Variants in MITF observed in about 807,000 individuals in gnomAD.
MITF encodes melanocyte inducing transcription factor, also known as microphthalmia-associated transcription factor.
Under a neutral mutation model 60.5 loss-of-function variants are expected in MITF, and 17 were observed. The observed-to-expected ratio is 0.28, with a 90% CI of 0.19 to 0.42. The LOEUF is 0.42. Among genes scored for constraint, MITF ranks in the 10% least tolerant of loss-of-function variants. The pLI, the probability that MITF is intolerant of heterozygous loss-of-function variation, is 1.00. For missense variants in MITF, 622 were observed against 683.5 expected (o/e 0.91, Z 1.00); for synonymous variants, 260 against 248.5 (o/e 1.05, Z -0.43).
At chr3:69,831,731 CTTA>C (rs1212202639) in intron 1 of MITF, among the ~76,000 whole-genome samples, 1 of 152,104 alleles carries the variant, frequency 6.6e-6, no homozygotes, top group Admixed American at 6.6e-5. Context: ...TCAGCAAATA[CTTA>C]TTAAGTATAT....
chr3:69,740,279 C>G (rs552274103), intron 1 of MITF, among the ~76,000 whole-genome samples: 16 of 151,878 alleles, frequency 1.1e-4, no homozygotes, highest in African/African-American at 3.6e-4. Context: ...ACCTCCAGAC[C>G]GCTGCTAGCG....
At chr3:69,823,165 C>A (rs1384849421) in intron 1 of MITF, among the ~76,000 whole-genome samples, 1 of 152,136 alleles carries the variant, frequency 6.6e-6, no homozygotes, top group African/African-American at 2.4e-5. Context: ...GGACATGAAC[C>A]GCTGCACTCG....
At chr3:69,961,650 G>A (rs537217390) in intron 9 of MITF, among the ~76,000 whole-genome samples, 6 of 152,204 alleles carry the variant, frequency 3.9e-5, no homozygotes, top group East Asian at 3.9e-4. Context: ...AGGAGAACCC[G>A]GGAGGCAGAG....
intron 2 of MITF, among the ~76,000 whole-genome samples, chr3:69,880,878 A>G (rs2064471386): frequency 6.6e-6 from 1 of 152,006 alleles, no homozygotes. Context: ...AAGAGTTGCC[A>G]TGGATTTGGG....
chr3:69,940,492 A>C lies in MITF; in HGVS notation c.667-744A>C, dbSNP rs574957061. ...ACTTATGTTTTGGTACTTTAGAAAT[A>C]AAATTGATCTAGTGGGAATGTCAGC... On this transcript the variant is annotated intron_variant, in intron 4 of 9. Transcript: ENST00000352241. Among the ~76,000 whole-genome samples the C allele has an allele frequency of 4.6e-5, 7 of 152,336 alleles. No homozygotes were observed. In the South Asian group the frequency reaches 1.5e-3, roughly 32 times the overall value.
At chr3:69,885,891 A>G (rs17006580) in intron 2 of MITF, among the ~76,000 whole-genome samples, 2,667 of 152,228 alleles carry the variant, frequency 0.018, 35 homozygotes, top group Middle Eastern at 0.051. Context: ...GAGAACAATC[A>G]TGATCAGCAA....
intron 5 of MITF, among the ~76,000 whole-genome samples, chr3:69,944,690 T>A (rs1380748518): frequency 1.3e-5 from 2 of 152,068 alleles, no homozygotes; most frequent in African/African-American, 4.8e-5. Context: ...TTGTGTTTCC[T>A]TGTCTGTAAA....
chr3:69,894,986 C>T (rs187247576), intron 2 of MITF, among the ~76,000 whole-genome samples: 78 of 152,256 alleles, frequency 5.1e-4, no homozygotes, highest in Non-Finnish European at 9.1e-4. Context: ...TGCATGGACC[C>T]CTAGTATGAC....
intron 1 of MITF, chr3:69,763,595 C>T (rs571476910): frequency 3.3e-4 from 396 of 1,202,566 alleles, no homozygotes; most frequent in Non-Finnish European, 4.0e-4. Context: ...TGCACGTAAG[C>T]GTGTGGCAGA....
At chr3:69,764,248 C>T (rs968793465) in intron 1 of MITF, among the ~76,000 whole-genome samples, 4 of 152,144 alleles carry the variant, frequency 2.6e-5, no homozygotes, top group African/African-American at 4.8e-5. Flanking sequence ...ATTAATTTTC[C>T]ACATTTCCAA....
intron 1 of MITF, among the ~76,000 whole-genome samples, chr3:69,835,567 G>A (rs1160203354): frequency 1.3e-5 from 2 of 152,030 alleles, no homozygotes; most frequent in Non-Finnish European, 2.9e-5. Context: ...GTGTTGTGAA[G>A]CATTTTGCCT....
chr3:69,837,619 G>A (rs12330475), intron 1 of MITF, among the ~76,000 whole-genome samples: 3,343 of 152,246 alleles, frequency 0.022, 113 homozygotes, highest in African/African-American at 0.075. Context: ...CAATAGGTCT[G>A]AAGTATCTTA....
intron 1 of MITF, among the ~76,000 whole-genome samples, chr3:69,747,231 A>T (rs1277122340): frequency 2.6e-5 from 4 of 152,230 alleles, no homozygotes; most frequent in Non-Finnish European, 5.9e-5. Flanking sequence ...AATGAACCAA[A>T]TACATGAGCA....
chr3:69,818,724 T>C (rs774981456), intron 1 of MITF, among the ~76,000 whole-genome samples: 69 of 152,306 alleles, frequency 4.5e-4, no homozygotes, highest in Admixed American at 7.2e-4. Flanking sequence ...AAATTTTTAA[T>C]GGAAAATACT....
At chr3:69,742,728 G>T (rs1219582737) in intron 1 of MITF, among the ~76,000 whole-genome samples, 2 of 152,182 alleles carry the variant, frequency 1.3e-5, no homozygotes, top group Non-Finnish European at 2.9e-5. Context: ...GTATTAGCAT[G>T]GTGCCTGGCA....
At chr3:69,812,690 A>G (rs1428233664) in intron 1 of MITF, among the ~76,000 whole-genome samples, 1 of 152,204 alleles carries the variant, frequency 6.6e-6, no homozygotes, top group Non-Finnish European at 1.5e-5. Context: ...CGGGTGACAT[A>G]GTTCTTTGTG....
chr3:69,770,660 G>A (rs923509760), intron 1 of MITF, among the ~76,000 whole-genome samples: 7 of 152,176 alleles, frequency 4.6e-5, no homozygotes, highest in African/African-American at 7.2e-5. Context: ...AATTTAAAGT[G>A]TTTTGAGTTC....
intron 1 of MITF, among the ~76,000 whole-genome samples, chr3:69,809,314 G>T (rs1385836225): frequency 6.6e-6 from 1 of 152,276 alleles, no homozygotes; most frequent in Middle Eastern, 3.4e-3. Context: ...CAGTATTGCT[G>T]TGTCACTGAT....
At chr3:69,895,959 C>G (rs1027062750) in intron 2 of MITF, among the ~76,000 whole-genome samples, 2 of 151,836 alleles carry the variant, frequency 1.3e-5, no homozygotes, top group African/African-American at 2.4e-5. Flanking sequence ...CTAACACCCC[C>G]CTTCCCCTAT....
Sources: gnomAD v4.1 joint callset for allele counts (sites outside exome capture counted in the v4.1 genomes callset) on GRCh38, gnomAD v4.1.1 for gene constraint, MANE v1.5 for transcripts, NCBI Gene and HGNC (gene_info 2026-07-23, HGNC 2026-07-21) for gene names.